OTUD3: variants seen among roughly 807,000 people sequenced by gnomAD.
OTUD3 encodes OTU deubiquitinase 3.
In OTUD3, 24 loss-of-function variants were observed where a neutral mutation model predicts 46.2. The observed-to-expected ratio is 0.52, with a 90% confidence interval of 0.38 to 0.73. The LOEUF is 0.73. Ranked by LOEUF, OTUD3 falls within the 30% of genes least tolerant of loss-of-function variation. The pLI is 0.00. For synonymous variants in OTUD3, 189 were observed against 195.4 expected (o/e 0.97, Z 0.27); for missense variants, 455 against 523.3 (o/e 0.87, Z 1.27).
rs2045684008 is a variant in OTUD3, at chr1:19,907,820, G to A, written c.*74G>A. On this transcript the variant is annotated 3_prime_UTR_variant, in exon 8 of 8. Coordinates refer to ENST00000375120, the MANE Select transcript of OTUD3 (RefSeq NM_015207.2). ...GTGTGCTAGACTTTCCAGTGAGGCC[G>A]TCCTTTTATAAAACGCAACACAACC... 15 of 1,428,518 alleles carry A rather than the reference G, an allele frequency of 1.1e-5. No individual in the cohort carries two copies. Among genetic ancestry groups the A allele is most frequent in the Non-Finnish European group, 1.3e-5 (14 of 1,039,778 alleles). The allele number at this position is 1,428,518 out of a possible 1,614,324, so 88.5% of individuals were successfully genotyped here.
chr1:19,890,588 G>A, intron 2 of OTUD3, 55 bp downstream of exon 2: 7 of 1,486,380 alleles, frequency 4.7e-6, no homozygotes, highest in Non-Finnish European at 6.6e-6. Context: ...GGGTAATTAA[G>A]TCCACTGGCA....
intron 2 of OTUD3, among the ~76,000 whole-genome samples, chr1:19,891,104 G>A (rs570037686): frequency 9.9e-5 from 15 of 152,094 alleles, no homozygotes; most frequent in Non-Finnish European, 2.1e-4. Flanking sequence ...GACTTTTTCT[G>A]ACTTTTAGAT....
chr1:19,882,879 C>A, intron 1 of OTUD3, 145 bp downstream of exon 1: 1 of 671,432 alleles, frequency 1.5e-6, no homozygotes, highest in Non-Finnish European at 2.1e-6. Context: ...GAGTGCAGGG[C>A]GTCCAGCTGC....
chr1:19,893,441 G>T (rs1425956670), intron 2 of OTUD3, among the ~76,000 whole-genome samples: 1 of 152,160 alleles, frequency 6.6e-6, no homozygotes, highest in Admixed American at 6.5e-5. Flanking sequence ...TGTCCTCAGG[G>T]CATATTCTCC....
chr1:19,904,703 A>G (rs151248612), intron 5 of OTUD3, among the ~76,000 whole-genome samples, 188 bp from the exon 6 acceptor site: 1 of 152,364 alleles, frequency 6.6e-6, no homozygotes, highest in African/African-American at 2.4e-5. Flanking sequence ...ATAAGTGTAC[A>G]TTAGACGGTT....
chr1:19,882,575 A>G lies in OTUD3; in HGVS notation c.62A>G (p.Glu21Gly). The change falls in exon 1 of 8, where the codon GAG (glutamate) becomes GGG (glycine). Residue 21 changes from glutamate (E) to glycine (G), a missense_variant. Coordinates refer to ENST00000375120, the MANE Select transcript of OTUD3 (RefSeq NM_015207.2). ...PGSGSRKAEA[E>G]RKRDERAARR... ...AGCGGCAGCCGGAAAGCCGAGGCCG[A>G]GCGCAAGCGGGACGAGCGGGCGGCG... 1 of 1,394,940 alleles carries G rather than the reference A, an allele frequency of 7.2e-7. No homozygotes were observed. The highest frequency in any genetic ancestry group is 9.3e-7 in the Non-Finnish European group (1 of 1,081,062). 86.4% of individuals were successfully genotyped at this position (1,394,940 alleles called of 1,614,324 possible).
rs2045727602 is a variant in OTUD3 at position 19,911,083 on chromosome 1, C to G, written c.*3337C>G. 1 of 152,248 alleles carries G rather than the reference C, an allele frequency of 6.6e-6. No individual in the cohort carries two copies. The highest frequency in any genetic ancestry group is 1.5e-5 in the Non-Finnish European group (1 of 68,034). The allele number at this position is 152,248 out of a possible 1,614,324, so 9.4% of individuals were successfully genotyped here. On this transcript the variant is annotated 3_prime_UTR_variant, in exon 8 of 8. Coordinates refer to ENST00000375120, the MANE Select transcript of OTUD3 (RefSeq NM_015207.2). Reference sequence around the variant, plus strand: ...CTAGTCAGAGGTGACTAAAAGTTACCCTGACCAAAAGGATCTCTGCGGGGG... The same window carrying G: ...CTAGTCAGAGGTGACTAAAAGTTACGCTGACCAAAAGGATCTCTGCGGGGG...
intron 1 of OTUD3, among the ~76,000 whole-genome samples, chr1:19,887,065 ATTTTCT>A (rs1466859077): frequency 1.1e-4 from 16 of 145,790 alleles, no homozygotes; most frequent in South Asian, 4.3e-4. Context: ...GATCTCTCAT[ATTTTCT>A]TTTTCTTTTT....
chr1:19,896,370 AATAT>A (rs5772875), intron 3 of OTUD3, among the ~76,000 whole-genome samples: 1 of 150,834 alleles, frequency 6.6e-6, no homozygotes, highest in Non-Finnish European at 1.5e-5. Flanking sequence ...TTCTATTCAT[AATAT>A]ATATATATAT....
At chr1:19,885,631 T>C (rs1166293743) in intron 1 of OTUD3, among the ~76,000 whole-genome samples, 2 of 152,154 alleles carry the variant, frequency 1.3e-5, no homozygotes, top group Admixed American at 6.5e-5. Flanking sequence ...TTTGTTTGTA[T>C]TTTTAGTAGA....
chr1:19,903,048 T>C (rs1198454420), intron 4 of OTUD3, among the ~76,000 whole-genome samples: 1 of 141,584 alleles, frequency 7.1e-6, no homozygotes, highest in African/African-American at 2.6e-5. Flanking sequence ...CTCTTTTTTT[T>C]TTTTTTTTTT....
At chr1:19,892,587 G>A (rs1243655738) in intron 2 of OTUD3, among the ~76,000 whole-genome samples, 1 of 152,098 alleles carries the variant, frequency 6.6e-6, no homozygotes, top group Non-Finnish European at 1.5e-5. Flanking sequence ...AACTGTACAA[G>A]TATCCAGGTC....
intron 4 of OTUD3, 27 bp downstream of exon 4, chr1:19,897,689 T>A: frequency 6.2e-7 from 1 of 1,608,978 alleles, no homozygotes; most frequent in Non-Finnish European, 8.5e-7. Context: ...ATTTCTCCCG[T>A]ATTCCCCGCC....
At chr1:19,899,193 C>T (rs1016420757) in intron 4 of OTUD3, among the ~76,000 whole-genome samples, 5 of 152,176 alleles carry the variant, frequency 3.3e-5, no homozygotes, top group Non-Finnish European at 2.9e-5. Flanking sequence ...AGTCACTCTC[C>T]TACCCTTGTA....
At chr1:19,887,130 G>A (rs1478481530) in intron 1 of OTUD3, among the ~76,000 whole-genome samples, 1 of 148,716 alleles carries the variant, frequency 6.7e-6, no homozygotes, top group Non-Finnish European at 1.5e-5. Context: ...TGTTGCCCAG[G>A]CTGGAGTGCA....
chr1:19,912,685 G>C lies in OTUD3; in HGVS notation c.*4939G>C, dbSNP rs906187573. The stretch of plus-strand genomic sequence containing the variant: ...CTTGCCTTATCTATGGAGCTCGATG[G>C]TGAGAATTGTGACCATTGTCTGATG... On this transcript the variant is annotated 3_prime_UTR_variant, in exon 8 of 8. Transcript: ENST00000375120. The C allele has an allele frequency of 6.6e-6, 1 of 152,366 alleles. No individual in the cohort carries two copies. Among genetic ancestry groups the C allele is most frequent in the African/African-American group, 2.4e-5 (1 of 41,452 alleles). The allele number at this position is 152,366 out of a possible 1,614,324, so 9.4% of individuals were successfully genotyped here.
In OTUD3 at chr1:19,912,219, C is replaced by A. The variant is rs556616872; in HGVS notation, c.*4473C>A. ...CGGACAGACTCTCTGTGGCCTGGCT[C>A]TCATCCTTGGCGTGTCAGCCTGCGG... On this transcript the variant is annotated 3_prime_UTR_variant, in exon 8 of 8. Transcript: ENST00000375120. 6.6e-6 allele frequency: 1 copy of A among 152,362 alleles called. No individual in the cohort carries two copies. Among genetic ancestry groups the A allele is most frequent in the Non-Finnish European group, 1.5e-5 (1 of 68,050 alleles). 9.4% of individuals were successfully genotyped at this position (152,362 alleles called of 1,614,324 possible).
rs1388363510 is a variant in OTUD3 at position 19,908,730 on chromosome 1, GAT to G, written c.*986_*987del. On this transcript the variant is annotated 3_prime_UTR_variant, in exon 8 of 8. Coordinates refer to ENST00000375120, the MANE Select transcript of OTUD3 (RefSeq NM_015207.2). The stretch of plus-strand genomic sequence containing the variant: ...TTGTAGACTTAGATGCCTTCAGAGA[GAT>G]ACGTGGTAACTTGACCTTATAGGTC... The G allele has an allele frequency of 6.6e-6, 1 of 152,382 alleles. No individual in the cohort carries two copies. The highest frequency in any genetic ancestry group is 1.9e-4 in the East Asian group (1 of 5,342). 9.4% of individuals were successfully genotyped at this position (152,382 alleles called of 1,614,324 possible). A position where few individuals can be genotyped will look rare whatever the true frequency, so the allele number is the denominator to read the frequency against.
rs1195078219 is a variant in OTUD3 at position 19,883,888 on chromosome 1, A to T, written c.221+1154A>T. Among the ~76,000 whole-genome samples the T allele has an allele frequency of 4.6e-5, 7 of 151,926 alleles. No individual in the cohort carries two copies. In the East Asian group the frequency reaches 1.3e-3, roughly 29 times the overall value. ...GAACTGGTCCTAATTTCCCTTTCCC[A>T]CCGTTCCTGTTTATGCTCATTGCTT... On this transcript the variant is annotated intron_variant, in intron 1 of 7. Coordinates refer to ENST00000375120, the MANE Select transcript of OTUD3 (RefSeq NM_015207.2).
Sources: allele counts gnomAD v4.1 joint callset (sites outside exome capture counted in the v4.1 genomes callset), GRCh38; gene constraint gnomAD v4.1.1; transcripts MANE v1.5; gene names NCBI Gene and HGNC (gene_info 2026-07-23, HGNC 2026-07-21).